The following AGAP1 variants were observed in gnomAD, a reference collection of about 807,000 sequenced individuals.
The protein encoded by AGAP1 is ArfGAP with GTPase domain, ankyrin repeat and PH domain 1.
A neutral mutation model predicts 105.3 loss-of-function variants in AGAP1; 29 were observed. The observed-to-expected ratio is 0.28, with a 90% CI of 0.21 to 0.38. The LOEUF (loss-of-function observed/expected upper bound fraction) is 0.38. AGAP1 is among the 10% of genes least tolerant of loss of function. The pLI is 1.00. For missense variants in AGAP1, 998 were observed against 1,165.1 expected, an observed-to-expected ratio of 0.86 and a Z score of 2.09; for synonymous variants, 509 against 485.9, an observed-to-expected ratio of 1.05 and a Z score of -0.63.
intron 1 of AGAP1, among the ~76,000 whole-genome samples, chr2:235,543,979 G>T (rs571872649): frequency 6.6e-6 from 1 of 152,312 alleles, no homozygotes; most frequent in South Asian, 2.1e-4. Context: ...CCAGGCCACT[G>T]CTGTGGCCTA....
rs115588858 is a variant in AGAP1, at chr2:236,128,899, C to T, written c.*4777C>T. On this transcript the variant is annotated 3_prime_UTR_variant, in exon 18 of 18. Coordinates refer to ENST00000304032, the MANE Select transcript of AGAP1 (RefSeq NM_001037131.3). The surrounding 1 kb of genome is among the most constrained non-coding windows in gnomAD (Gnocchi z 5.9). ...TCGTTGAGACTTTTCTAGAACTCCC[C>T]GGGGTTGTATTTATGGCCTTCAAGC... 0.021 allele frequency: 3,224 copies of T among 152,288 alleles called. 75 individuals carry two copies. Among genetic ancestry groups the T allele is most frequent in the Non-Finnish European group, 0.033 (2,223 of 68,014 alleles). 9.4% of individuals were successfully genotyped at this position (152,288 alleles called of 1,614,324 possible).
rs1006457508 is a variant in AGAP1 at position 235,865,737 on chromosome 2, A to G, written c.1051-17608A>G. On this transcript the variant is annotated intron_variant, in intron 9 of 17. Transcript: ENST00000304032. The surrounding 1 kb of genome is among the most constrained non-coding windows in gnomAD (Gnocchi z 6.2). Reference sequence around the variant, plus strand: ...GGGGATTCCTGCTGTTCCTATGGAAACACTTTAAACTAGAGAGAAAGTTAA... The same window carrying G: ...GGGGATTCCTGCTGTTCCTATGGAAGCACTTTAAACTAGAGAGAAAGTTAA... Among the ~76,000 whole-genome samples the G allele has an allele frequency of 1.5e-4, 23 of 152,318 alleles. No homozygotes were observed. Among genetic ancestry groups the G allele is most frequent in the African/African-American group, 5.5e-4 (23 of 41,568 alleles).
At chr2:235,702,870 G>A (rs80289072) in intron 1 of AGAP1, among the ~76,000 whole-genome samples, 4,718 of 146,842 alleles carry the variant, frequency 0.032, 267 homozygotes, top group African/African-American at 0.11. Context: ...ACTGACTCCA[G>A]TAAAGCCTTC....
In AGAP1 at chr2:235,752,067, T is replaced by A. The variant is rs1953487271; in HGVS notation, c.673+1579T>A. 6.6e-6 allele frequency among the ~76,000 whole-genome samples: 1 copy of A among 152,202 alleles called. No homozygotes were observed. Among genetic ancestry groups the A allele is most frequent in the Non-Finnish European group, 1.5e-5 (1 of 68,036 alleles). Reference sequence around the variant, plus strand: ...AGAGGTGCACCCTAATGGAGCAAGGTCACTGTCGGCCGCTGCGCTGCCGAG... The same window carrying A: ...AGAGGTGCACCCTAATGGAGCAAGGACACTGTCGGCCGCTGCGCTGCCGAG... On this transcript the variant is annotated intron_variant, in intron 6 of 17. Coordinates refer to ENST00000304032, the MANE Select transcript of AGAP1 (RefSeq NM_001037131.3). The surrounding 1 kb of genome is among the most constrained non-coding windows in gnomAD (Gnocchi z 4.3).
chr2:235,941,601 G>A (rs2053260712), intron 12 of AGAP1, among the ~76,000 whole-genome samples: 1 of 152,186 alleles, frequency 6.6e-6, no homozygotes, highest in African/African-American at 2.4e-5. Context: ...GAATTCCTAA[G>A]CATGTTTTCA....
At chr2:235,939,575 C>T (rs539376785) in intron 12 of AGAP1, among the ~76,000 whole-genome samples, 2 of 79,628 alleles carry the variant, frequency 2.5e-5, no homozygotes, top group East Asian at 5.7e-4. Flanking sequence ...CCAGGACACT[C>T]GTCTGTCCTC....
At chr2:235,832,336 T>C (rs1003951843) in intron 9 of AGAP1, among the ~76,000 whole-genome samples, 8 of 152,238 alleles carry the variant, frequency 5.3e-5, no homozygotes, top group African/African-American at 9.6e-5. Flanking sequence ...CTTATTGATA[T>C]GTTGTTTAGG....
chr2:235,901,884 A>G lies in AGAP1; in HGVS notation c.1156-6854A>G, dbSNP rs1430529134. Among the ~76,000 whole-genome samples the G allele has an allele frequency of 6.6e-6, 1 of 151,944 alleles. No homozygotes were observed. Among genetic ancestry groups the G allele is most frequent in the Non-Finnish European group, 1.5e-5 (1 of 67,958 alleles). On this transcript the variant is annotated intron_variant, in intron 10 of 17. Transcript: ENST00000304032. This position sits in a 1 kb window ranked among gnomAD's most constrained non-coding sequence, Gnocchi z 4.3. Reference sequence around the variant, plus strand: ...ACAGAGTGAGACTCCGTCTCGGAAAAAAAAAAAAAAATTATGGAGGGACCC... The same window carrying G: ...ACAGAGTGAGACTCCGTCTCGGAAAGAAAAAAAAAAATTATGGAGGGACCC...
chr2:235,951,482 C>T lies in AGAP1; in HGVS notation c.1484-16980C>T, dbSNP rs920848241. On this transcript the variant is annotated intron_variant, in intron 12 of 17. Transcript: ENST00000304032. This position sits in a 1 kb window ranked among gnomAD's most constrained non-coding sequence, Gnocchi z 4.2. Reference sequence around the variant, plus strand: ...AAGCTTAGTCAAAATTATGAGATTTCCTCTGAACTTTGTTCTTCTCGTTAT... The same window carrying T: ...AAGCTTAGTCAAAATTATGAGATTTTCTCTGAACTTTGTTCTTCTCGTTAT... Among the ~76,000 whole-genome samples, 1 of 152,160 alleles carries T rather than the reference C, an allele frequency of 6.6e-6. No individual in the cohort carries two copies. The highest frequency in any genetic ancestry group is 1.5e-5 in the Non-Finnish European group (1 of 68,040).
At chr2:235,896,406 C>G (rs1353937935) in intron 10 of AGAP1, among the ~76,000 whole-genome samples, 1 of 152,208 alleles carries the variant, frequency 6.6e-6, no homozygotes, top group Non-Finnish European at 1.5e-5. Flanking sequence ...TGTGAGCATA[C>G]AGATAACTCT....
intron 16 of AGAP1, among the ~76,000 whole-genome samples, chr2:236,059,778 A>G (rs1350000315): frequency 6.6e-6 from 1 of 152,206 alleles, no homozygotes; most frequent in Non-Finnish European, 1.5e-5. Flanking sequence ...CCACTTGTGA[A>G]AGAATGAAGT....
At chr2:235,560,185 A>AT in intron 1 of AGAP1, among the ~76,000 whole-genome samples, 1 of 152,226 alleles carries the variant, frequency 6.6e-6, no homozygotes, top group South Asian at 2.1e-4. Context: ...GTAATTGTCA[A>AT]TTTTTTAAAA....
Position 236,076,053 on chromosome 2 carries a change from C to T in AGAP1, c.2114+26772C>T, listed in dbSNP as rs2058628807. On this transcript the variant is annotated intron_variant, in intron 16 of 17. Transcript: ENST00000304032. The surrounding 1 kb of genome is among the most constrained non-coding windows in gnomAD (Gnocchi z 4.4). The stretch of plus-strand genomic sequence containing the variant: ...GGCAGCTCTGCTCCTCACCAAGGCC[C>T]AAGACCCGTGCTGTCATAACAGTCC... 6.6e-6 allele frequency among the ~76,000 whole-genome samples: 1 copy of T among 152,206 alleles called. No homozygotes were observed. The highest frequency in any genetic ancestry group is 2.4e-5 in the African/African-American group (1 of 41,476).
At chr2:235,757,094 A>G (rs1953990816) in intron 6 of AGAP1, among the ~76,000 whole-genome samples, 1 of 152,228 alleles carries the variant, frequency 6.6e-6, no homozygotes, top group Admixed American at 6.5e-5. Context: ...TTAAGCTTGT[A>G]TTCATATGAC....
chr2:235,704,930 T>C (rs1032022297), intron 1 of AGAP1, among the ~76,000 whole-genome samples: 5 of 148,474 alleles, frequency 3.4e-5, no homozygotes, highest in African/African-American at 1.2e-4. Context: ...GGATCATTAC[T>C]ATCACCAACG....
At chr2:235,839,260 A>G (rs1960522783) in intron 9 of AGAP1, among the ~76,000 whole-genome samples, 1 of 152,220 alleles carries the variant, frequency 6.6e-6, no homozygotes, top group Non-Finnish European at 1.5e-5. Context: ...GGAGATCCCA[A>G]AGCTGTTGGA....
Position 235,552,647 on chromosome 2 carries a change from T to C in AGAP1, c.163+57798T>C, listed in dbSNP as rs1358183463. Among the ~76,000 whole-genome samples the C allele has an allele frequency of 6.6e-6, 1 of 151,666 alleles. No homozygotes were observed. The highest frequency in any genetic ancestry group is 1.5e-5 in the Non-Finnish European group (1 of 67,898). On this transcript the variant is annotated intron_variant, in intron 1 of 17. Transcript: ENST00000304032. This position sits in a 1 kb window ranked among gnomAD's most constrained non-coding sequence, Gnocchi z 5.9. ...CAGGTGCACACACACCTGGCAGAGG[T>C]TTGGAGCTGGGTTGTGGGTGAGGGA...
At position 235,961,753 on chromosome 2, in the gene AGAP1, G is replaced by A. The variant is rs893186750; in HGVS notation, c.1484-6709G>A. On this transcript the variant is annotated intron_variant, in intron 12 of 17. Transcript: ENST00000304032. This position sits in a 1 kb window ranked among gnomAD's most constrained non-coding sequence, Gnocchi z 5.9. ...TGAAACCCGTCTCTACTAAAAATAC[G>A]AAAATTAGCTGGGCGTGGTGCAGGA... is the stretch of plus-strand genomic sequence containing the variant. Among the ~76,000 whole-genome samples the A allele has an allele frequency of 8.5e-5, 13 of 152,126 alleles. No homozygotes were observed. The highest frequency in any genetic ancestry group is 5.9e-4 in the Admixed American group (9 of 15,274).
intron 1 of AGAP1, among the ~76,000 whole-genome samples, chr2:235,656,603 T>C (rs2873309): frequency 0.62 from 94,530 of 151,838 alleles, 29,862 homozygotes; most frequent in Admixed American, 0.73. Flanking sequence ...ATTAGCCAAT[T>C]GGAATTAGTT....
Sources: allele counts gnomAD v4.1 joint callset (sites outside exome capture counted in the v4.1 genomes callset), GRCh38; gene constraint gnomAD v4.1.1; non-coding constraint Gnocchi (gnomAD v3.1); transcripts MANE v1.5; gene names NCBI Gene and HGNC (gene_info 2026-07-23, HGNC 2026-07-21).